PPP2R1A: variants seen among roughly 807,000 people sequenced by gnomAD.
PPP2R1A encodes the protein serine/threonine-protein phosphatase 2A 65 kDa regulatory subunit A alpha isoform.
In PPP2R1A, 15 loss-of-function variants were observed where a neutral mutation model predicts 67.1. That is an observed-to-expected ratio of 0.22 (90% CI 0.15 to 0.34). The LOEUF is 0.34. Ranked by LOEUF, PPP2R1A falls within the 10% of genes least tolerant of loss-of-function variation. The pLI is 1.00. For synonymous variants in PPP2R1A, 337 were observed against 325.0 expected (o/e 1.04, Z -0.40); for missense variants, 369 against 775.0 (o/e 0.48, Z 6.22).
chr19:52,190,311 C>A, intron 1 of PPP2R1A, 137 bp downstream of exon 1: 1 of 1,029,320 alleles, frequency 9.7e-7, no homozygotes, highest in Non-Finnish European at 1.4e-6. Flanking sequence ...CTCTTATCTC[C>A]CCGGTTGCCC....
chr19:52,224,825 A>C (rs1979155690), intron 13 of PPP2R1A, among the ~76,000 whole-genome samples: 1 of 151,868 alleles, frequency 6.6e-6, no homozygotes, highest in African/African-American at 2.4e-5. Flanking sequence ...TCAGCCTTTC[A>C]AGTAGCTGGG....
chr19:52,215,125 G>A (rs548837549), intron 6 of PPP2R1A, among the ~76,000 whole-genome samples: 7 of 152,246 alleles, frequency 4.6e-5, no homozygotes, highest in South Asian at 2.1e-4. Context: ...GCACAGTCAC[G>A]GCTCACTGCA....
chr19:52,190,867 C>A (rs1049183260), intron 1 of PPP2R1A, among the ~76,000 whole-genome samples: 5 of 151,976 alleles, frequency 3.3e-5, no homozygotes, highest in African/African-American at 7.2e-5. Flanking sequence ...TTATTTATTT[C>A]TTTTTTTTGA....
Position 52,222,140 on chromosome 19 carries a change from C to G in PPP2R1A, c.1560C>G (p.His520Gln). The G allele has an allele frequency of 6.2e-7, 1 of 1,614,082 alleles. No individual in the cohort carries two copies. Among genetic ancestry groups the G allele is most frequent in the Non-Finnish European group, 8.5e-7 (1 of 1,179,982 alleles). Reference sequence around the variant, plus strand: ...GTGGGCAGGACATCACCACCAAGCACATGCTACCCACGGTTCTGCGCATGG... The same window carrying G: ...GTGGGCAGGACATCACCACCAAGCAGATGCTACCCACGGTTCTGCGCATGG... Reference protein sequence around the residue: ...EVCGQDITTKHMLPTVLRMAG... With the variant: ...EVCGQDITTKQMLPTVLRMAG... Residue 520 changes from histidine (H) to glutamine (Q), a missense_variant, in exon 13 of 15, where the codon CAC (histidine) becomes CAG (glutamine). His to Gln is a conservative substitution (Grantham distance 24). This residue lies in a region of PPP2R1A where 276 missense variants were observed against 508.4 expected (regional missense o/e 0.54). Transcript: ENST00000322088.
chr19:52,190,232 G>A (rs1283645863), intron 1 of PPP2R1A, 58 bp downstream of exon 1: 1 of 1,522,712 alleles, frequency 6.6e-7, no homozygotes, highest in Non-Finnish European at 8.9e-7. Context: ...GGGCACGGGC[G>A]GCCCTCGCGG....
rs749256759 is a variant in PPP2R1A at position 52,216,591 on chromosome 19, C to T, written c.1056C>T (p.Leu352=). Residue 352 remains leucine, a synonymous_variant, in exon 9 of 15, where the codon CTC becomes CTT. Coordinates refer to ENST00000322088, the MANE Select transcript of PPP2R1A (RefSeq NM_014225.6). The surrounding 1 kb of genome is among the most constrained non-coding windows in gnomAD (Gnocchi z 4.3). ...KSALASVIMG[L]SPILGKDNTI... is the part of the protein sequence containing the mutation. ...CCCTGGCCTCAGTCATCATGGGTCTCTCTCCCATCTTGGGCAAAGACAACA... is the reference window on the plus strand; with the variant it reads ...CCCTGGCCTCAGTCATCATGGGTCTTTCTCCCATCTTGGGCAAAGACAACA... The T allele has an allele frequency of 7.6e-5, 122 of 1,614,030 alleles. No individual in the cohort carries two copies. Among genetic ancestry groups the T allele is most frequent in the Non-Finnish European group, 9.5e-5 (112 of 1,180,032 alleles).
rs754919865 is a variant in PPP2R1A at position 52,213,115 on chromosome 19, A to T, written c.807+5A>T. The T allele has an allele frequency of 1.3e-6, 2 of 1,554,376 alleles. No homozygotes were observed. The highest frequency in any genetic ancestry group is 2.4e-5 in the South Asian group (2 of 83,150). On this transcript the variant is annotated splice_donor_5th_base_variant and intron_variant, in intron 6 of 14. Coordinates refer to ENST00000322088, the MANE Select transcript of PPP2R1A (RefSeq NM_014225.6). This position sits in a 1 kb window ranked among gnomAD's most constrained non-coding sequence, Gnocchi z 4.2. The stretch of plus-strand genomic sequence containing the variant: ...GTGGCTGACAAGTTCACAGAGGTAG[A>T]TGAGCGACCGTTGACATTGTCCCAC...
intron 11 of PPP2R1A, among the ~76,000 whole-genome samples, chr19:52,220,698 C>T (rs572357750): frequency 2.6e-5 from 4 of 152,206 alleles, no homozygotes; most frequent in Admixed American, 1.3e-4. Context: ...GTAATAAGTG[C>T]CACATAATTT....
At chr19:52,196,683 A>G (rs1054513550) in intron 1 of PPP2R1A, among the ~76,000 whole-genome samples, 5 of 152,204 alleles carry the variant, frequency 3.3e-5, no homozygotes, top group African/African-American at 9.7e-5. Context: ...TGAAGTTTCT[A>G]TCTGACTGAT....
chr19:52,203,201 G>A (rs2089568909), intron 2 of PPP2R1A, among the ~76,000 whole-genome samples: 1 of 152,132 alleles, frequency 6.6e-6, no homozygotes, highest in South Asian at 2.1e-4. Flanking sequence ...CTAAAGAGGT[G>A]CAGTGACTCG....
chr19:52,200,432 C>CA (rs2089536484), intron 1 of PPP2R1A: 1 of 152,182 alleles, frequency 6.6e-6, no homozygotes, highest in East Asian at 1.9e-4. Context: ...CGTCACTTTC[C>CA]AAAGTGGTGA....
chr19:52,216,016 A>C lies in PPP2R1A; in HGVS notation c.935A>C (p.Asn312Thr). Residue 312 changes from asparagine to threonine, a missense_variant, in exon 8 of 15, where the codon AAC (asparagine) becomes ACC (threonine). Transcript: ENST00000322088. The surrounding 1 kb of genome is among the most constrained non-coding windows in gnomAD (Gnocchi z 4.3). ...TCCCTGCCCACAGAGTTCTGTGAAA[A>C]CCTCTCAGCTGACTGTCGGGAGAAT... The part of the protein sequence containing the change: ...ASHKVKEFCE[N>T]LSADCRENVI... The C allele has an allele frequency of 1.2e-6, 2 of 1,613,452 alleles. No homozygotes were observed. Among genetic ancestry groups the C allele is most frequent in the Non-Finnish European group, 1.7e-6 (2 of 1,179,738 alleles).
chr19:52,225,490 C>T (rs1457133189), intron 13 of PPP2R1A, among the ~76,000 whole-genome samples: 1 of 152,140 alleles, frequency 6.6e-6, no homozygotes, highest in African/African-American at 2.4e-5. Context: ...TCTCTTATAG[C>T]TGTTTTGAAA....
intron 13 of PPP2R1A, among the ~76,000 whole-genome samples, chr19:52,222,996 A>G (rs1306513626): frequency 6.6e-6 from 1 of 152,246 alleles, no homozygotes; most frequent in Non-Finnish European, 1.5e-5. Flanking sequence ...TGACACTTCT[A>G]ATGAACAAAG....
intron 3 of PPP2R1A, among the ~76,000 whole-genome samples, chr19:52,206,604 G>A (rs550553489): frequency 5.7e-4 from 87 of 152,192 alleles, no homozygotes; most frequent in South Asian, 2.5e-3. Context: ...GAGGTTAAGC[G>A]TCTCTTCAGA....
chr19:52,219,821 G>A lies in PPP2R1A; in HGVS notation c.1259G>A (p.Arg420Gln), dbSNP rs2122360738. ...ELAEDAKWRVRLAIIEYMPLL... is the reference protein window; with the variant it reads ...ELAEDAKWRVQLAIIEYMPLL... ...GCTGAGGACGCCAAGTGGCGGGTGCGGCTGGCCATCATTGAGTACATGCCC... is the reference window on the plus strand; with the variant it reads ...GCTGAGGACGCCAAGTGGCGGGTGCAGCTGGCCATCATTGAGTACATGCCC... The change falls in exon 10 of 15, where the codon CGG becomes CAG. Residue 420 changes from arginine to glutamine, a missense_variant. Transcript: ENST00000322088. The surrounding 1 kb of genome is among the most constrained non-coding windows in gnomAD (Gnocchi z 4.0). 1 of 1,612,772 alleles carries A rather than the reference G, an allele frequency of 6.2e-7. No homozygotes were observed. The highest frequency in any genetic ancestry group is 8.5e-7 in the Non-Finnish European group (1 of 1,179,960).
chr19:52,221,707 C>T (rs200354261), intron 12 of PPP2R1A, among the ~76,000 whole-genome samples: 16 of 125,948 alleles, frequency 1.3e-4, no homozygotes, highest in African/African-American at 2.6e-4. Context: ...GCTTTTCCTA[C>T]GATTATAATT....
In PPP2R1A at chr19:52,212,804, A is replaced by G. The variant is rs1165640424; in HGVS notation, c.622A>G (p.Met208Val). 1 of 1,610,180 alleles carries G rather than the reference A, an allele frequency of 6.2e-7. No individual in the cohort carries two copies. The highest frequency in any genetic ancestry group is 8.5e-7 in the Non-Finnish European group (1 of 1,177,624). The change falls in exon 5 of 15, where the codon ATG becomes GTG. Residue 208 changes from methionine to valine, a missense_variant. By Grantham distance (21) the Met-to-Val change is conservative. Around this residue, in one of 2 missense-constraint regions of PPP2R1A, gnomAD observed 276 missense variants for 508.4 expected, o/e 0.54. Coordinates refer to ENST00000322088, the MANE Select transcript of PPP2R1A (RefSeq NM_014225.6). This position sits in a 1 kb window ranked among gnomAD's most constrained non-coding sequence, Gnocchi z 4.1. ...CAACGTCAAGAGTGAGATCATCCCC[A>G]TGTTCTCCAACCTGGCCTCTGACGA... ...LDNVKSEIIP[M>V]FSNLASDEQD...
At chr19:52,223,770 A>G (rs12983209) in intron 13 of PPP2R1A, among the ~76,000 whole-genome samples, 1 of 152,162 alleles carries the variant, frequency 6.6e-6, no homozygotes, top group Non-Finnish European at 1.5e-5. Context: ...GGGGCTGTAC[A>G]TTTAGGGTTT....
Sources: allele counts gnomAD v4.1 joint callset (sites outside exome capture counted in the v4.1 genomes callset), GRCh38; gene constraint gnomAD v4.1.1; regional missense constraint gnomAD v4.1.1; non-coding constraint Gnocchi (gnomAD v3.1); transcripts MANE v1.5; gene names NCBI Gene and HGNC (gene_info 2026-07-23, HGNC 2026-07-21).